The following CD40LG variants were observed in gnomAD, a reference collection of about 807,000 sequenced individuals.
CD40LG encodes the protein CD40 antigen ligand.
In CD40LG, 1 loss-of-function variant was observed where a neutral mutation model predicts 17.2. The observed-to-expected ratio is 0.06, with a 90% CI of 0.02 to 0.28. The LOEUF is 0.28. Ranked by LOEUF, CD40LG falls within the 10% of genes least tolerant of loss-of-function variation. CD40LG has a pLI of 1.00. For missense variants in CD40LG, 133 were observed against 193.2 expected (o/e 0.69, Z 1.85); for synonymous variants, 66 against 74.4 (o/e 0.89, Z 0.58).
intron 3 of CD40LG, 24 bp downstream of exon 3, chrX:136,654,454 C>G: frequency 2.8e-6 from 3 of 1,076,783 alleles, no homozygotes; most frequent in Non-Finnish European, 3.9e-6. Context: ...TTGCTAATTT[C>G]TATGAATGCC....
chrX:136,652,834 G>C lies in CD40LG; in HGVS notation c.289-1539G>C, dbSNP rs2076107954. Among the ~76,000 whole-genome samples, 6 of 111,622 alleles carry C rather than the reference G, an allele frequency of 5.4e-5. No homozygotes were observed. The South Asian group carries it at 2.3e-3, about 42-fold the overall frequency. ...CAAAGCATTTCTATTTCAAGTTAAA[G>C]GGCAACCTGTCCATACCTGCCACAT... On this transcript the variant is annotated intron_variant, in intron 2 of 4. Transcript: ENST00000370629.
Position 136,650,381 on chromosome X carries a change from T to C in CD40LG, c.272T>C (p.Phe91Ser). ...AACTGTGAGGAGATTAAAAGCCAGTTTGAAGGCTTTGTGAAGGTAAGCAGC... is the reference window on the plus strand; with the variant it reads ...AACTGTGAGGAGATTAAAAGCCAGTCTGAAGGCTTTGTGAAGGTAAGCAGC... Reference protein sequence around the residue: ...LLNCEEIKSQFEGFVKDIMLN... With the variant: ...LLNCEEIKSQSEGFVKDIMLN... The change falls in exon 2 of 5, where the codon TTT becomes TCT. Residue 91 changes from phenylalanine to serine, a missense_variant. Transcript: ENST00000370629. 1 of 1,207,898 alleles carries C rather than the reference T, an allele frequency of 8.3e-7. No homozygotes were observed. The highest frequency in any genetic ancestry group is 1.1e-6 in the Non-Finnish European group (1 of 892,366).
At position 136,648,415 on chromosome X, in the gene CD40LG, C is replaced by A. The variant is rs776610381; in HGVS notation, c.156+11C>A. ...AGAAGGTTGGACAAGGTAAGATGAACCACAAGCCTTTATTAACTAAATTTG... is the reference window on the plus strand; with the variant it reads ...AGAAGGTTGGACAAGGTAAGATGAAACACAAGCCTTTATTAACTAAATTTG... On this transcript the variant is annotated intron_variant, in intron 1 of 4. Transcript: ENST00000370629. The A allele has an allele frequency of 2.5e-6, 3 of 1,204,074 alleles. No homozygotes were observed. The highest frequency in any genetic ancestry group is 2.2e-5 in the Admixed American group (1 of 46,040).
chrX:136,655,718 C>G (rs982504811), intron 3 of CD40LG, among the ~76,000 whole-genome samples: 2 of 111,991 alleles, frequency 1.8e-5, no homozygotes, highest in African/African-American at 6.5e-5. Flanking sequence ...TCTGAGGAAA[C>G]AGTTTATGTA....
chrX:136,655,932 A>G lies in CD40LG; in HGVS notation c.347-424A>G, dbSNP rs1030521645. ...GGAGCAGGGCTTTAACACAAGAAAT[A>G]ATTAAAGACAGATACAATAGTTCAG... is the stretch of plus-strand genomic sequence containing the variant. On this transcript the variant is annotated intron_variant, in intron 3 of 4. Coordinates refer to ENST00000370629, the MANE Select transcript of CD40LG (RefSeq NM_000074.3). 4.4e-4 allele frequency among the ~76,000 whole-genome samples: 49 copies of G among 112,311 alleles called. No individual in the cohort carries two copies. The Admixed American group carries it at 4.5e-3, about 10-fold the overall frequency.
chrX:136,655,222 G>T (rs762732420), intron 3 of CD40LG, among the ~76,000 whole-genome samples: 3 of 111,611 alleles, frequency 2.7e-5, no homozygotes, highest in Non-Finnish European at 5.6e-5. Context: ...AGATATGGAA[G>T]ACAGCAATCA....
intron 3 of CD40LG, among the ~76,000 whole-genome samples, chrX:136,655,411 C>T (rs1038248924): frequency 7.1e-5 from 8 of 112,114 alleles, no homozygotes; most frequent in Admixed American, 1.9e-4. Flanking sequence ...TACAATAATG[C>T]GTGAAGTGAC....
At chrX:136,652,520 C>A (rs1053515407) in intron 2 of CD40LG, among the ~76,000 whole-genome samples, 1 of 110,906 alleles carries the variant, frequency 9.0e-6, no homozygotes, top group African/African-American at 3.3e-5. Flanking sequence ...GTCATCAGAT[C>A]CAATTCTCAA....
intron 1 of CD40LG, among the ~76,000 whole-genome samples, chrX:136,648,689 G>A (rs1194901752): frequency 8.9e-6 from 1 of 111,935 alleles, no homozygotes; most frequent in East Asian, 2.8e-4. Context: ...GATGGTATTG[G>A]TGTCCATTTC....
chrX:136,654,037 CA>C (rs1756184440), intron 2 of CD40LG, among the ~76,000 whole-genome samples: 1 of 111,969 alleles, frequency 8.9e-6, no homozygotes, highest in Non-Finnish European at 1.9e-5. Context: ...CCCCATTCGG[CA>C]TTATTTGTCA....
At chrX:136,657,457 T>C (rs2076122364) in intron 4 of CD40LG, among the ~76,000 whole-genome samples, 1 of 111,486 alleles carries the variant, frequency 9.0e-6, no homozygotes, top group Non-Finnish European at 1.9e-5. Flanking sequence ...CTTCACCTAC[T>C]TTACAGGGTG....
At position 136,659,578 on chromosome X, in the gene CD40LG, G is replaced by A; in HGVS notation, c.*163G>A. ...TCCAAGGCATGTAGAACTGTAATAA[G>A]TGAATTACAGGTCACATGAAACCAA... On this transcript the variant is annotated 3_prime_UTR_variant, in exon 5 of 5. Transcript: ENST00000370629. The A allele has an allele frequency of 1.8e-6, 1 of 544,166 alleles. No individual in the cohort carries two copies. The highest frequency in any genetic ancestry group is 2.9e-6 in the Non-Finnish European group (1 of 344,051). 44.8% of individuals were successfully genotyped at this position (544,166 alleles called of 1,213,427 possible). A position where few individuals can be genotyped will look rare whatever the true frequency, so the allele number is the denominator to read the frequency against.
intron 4 of CD40LG, among the ~76,000 whole-genome samples, chrX:136,656,857 G>A (rs2076120640): frequency 8.9e-6 from 1 of 111,796 alleles, no homozygotes; most frequent in Non-Finnish European, 1.9e-5. Flanking sequence ...GCCAACCTCA[G>A]GGAAAGTAAA....
In CD40LG at chrX:136,654,366, A is replaced by G. The variant is rs374355208; in HGVS notation, c.289-7A>G. ...AAAATGACCTCTTGCAATGCTTCTT[A>G]TTTTAGGATATAATGTTAAACAAAG... On this transcript the variant is annotated splice_polypyrimidine_tract_variant and splice_region_variant and intron_variant, in intron 2 of 4. Transcript: ENST00000370629. The G allele has an allele frequency of 1.7e-6, 2 of 1,178,765 alleles. No homozygotes were observed. Among genetic ancestry groups the G allele is most frequent in the African/African-American group, 3.5e-5 (2 of 56,768 alleles).
rs1285506550 is a variant in CD40LG at position 136,659,022 on chromosome X, C to A, written c.410-17C>A. On this transcript the variant is annotated splice_polypyrimidine_tract_variant and intron_variant, in intron 4 of 4. Transcript: ENST00000370629. ...TCTGCTTCACCTCACCACAAACTTT[C>A]CCTTTCTTTGTAACAGTGTTACAGT... 2 of 1,209,231 alleles carry A rather than the reference C, an allele frequency of 1.7e-6. No individual in the cohort carries two copies. Among genetic ancestry groups the A allele is most frequent in the East Asian group, 5.9e-5 (2 of 33,867 alleles).
rs147739883 is a variant in CD40LG at position 136,650,228 on chromosome X, C to T, written c.157-38C>T. 80 of 1,089,955 alleles carry T rather than the reference C, an allele frequency of 7.3e-5. No individual in the cohort carries two copies. In the African/African-American group the frequency reaches 1.1e-3, roughly 15 times the overall value. The allele number at this position is 1,089,955 out of a possible 1,213,427, so 89.8% of individuals were successfully genotyped here. Reference sequence around the variant, plus strand: ...GATATCATTAGCTGTATTCTCCTTCCGAATGACATTTATCATATCCTTGTT... The same window carrying T: ...GATATCATTAGCTGTATTCTCCTTCTGAATGACATTTATCATATCCTTGTT... On this transcript the variant is annotated intron_variant, in intron 1 of 4. Coordinates refer to ENST00000370629, the MANE Select transcript of CD40LG (RefSeq NM_000074.3).
Position 136,654,355 on chromosome X carries a change from C to T in CD40LG, c.289-18C>T, listed in dbSNP as rs1186292119. ...GAGCCCCTGTCAAAATGACCTCTTGCAATGCTTCTTATTTTAGGATATAAT... is the reference window on the plus strand; with the variant it reads ...GAGCCCCTGTCAAAATGACCTCTTGTAATGCTTCTTATTTTAGGATATAAT... On this transcript the variant is annotated intron_variant, in intron 2 of 4. Transcript: ENST00000370629. The T allele has an allele frequency of 7.8e-6, 9 of 1,156,245 alleles. No individual in the cohort carries two copies. Among genetic ancestry groups the T allele is most frequent in the Non-Finnish European group, 1.1e-5 (9 of 846,144 alleles).
intron 3 of CD40LG, among the ~76,000 whole-genome samples, chrX:136,654,775 CATCA>C (rs2076114347): frequency 8.9e-6 from 1 of 111,921 alleles, no homozygotes; most frequent in African/African-American, 3.2e-5. Flanking sequence ...CAGTGGCATT[CATCA>C]CTCATTGATA....
intron 4 of CD40LG, among the ~76,000 whole-genome samples, chrX:136,656,845 A>G (rs1387805492): frequency 3.6e-5 from 4 of 111,999 alleles, no homozygotes; most frequent in Non-Finnish European, 7.5e-5. Flanking sequence ...AGCCTCACTG[A>G]GGCCAACCTC....
Sources: gnomAD v4.1 joint callset for allele counts (sites outside exome capture counted in the v4.1 genomes callset) on GRCh38, gnomAD v4.1.1 for gene constraint, MANE v1.5 for transcripts, NCBI Gene and HGNC (gene_info 2026-07-23, HGNC 2026-07-21) for gene names.